The following TTC28 variants were observed in gnomAD, a reference collection of about 807,000 sequenced individuals.
TTC28 encodes tetratricopeptide repeat domain 28.
In TTC28, 61 loss-of-function variants were observed where a neutral mutation model predicts 198.0. The ratio of observed to expected loss-of-function variants is 0.31; its 90% CI spans 0.25 to 0.38. The LOEUF (loss-of-function observed/expected upper bound fraction) is 0.38, where lower values mean the gene tolerates loss of function less well. TTC28 is among the 10% of genes least tolerant of loss of function. The pLI, the probability that TTC28 is intolerant of heterozygous loss-of-function variation, is 1.00. For missense variants in TTC28, 2,678 were observed against 3,164.0 expected, an observed-to-expected ratio of 0.85 and a Z score of 3.69; for synonymous variants, 1,171 against 1,297.8, an observed-to-expected ratio of 0.90 and a Z score of 2.10.
intron 2 of TTC28, among the ~76,000 whole-genome samples, chr22:28,484,534 A>G (rs1320156770): frequency 6.6e-6 from 1 of 152,130 alleles, no homozygotes; most frequent in Admixed American, 6.5e-5. Flanking sequence ...CCCTCCCTGG[A>G]AGCCTCTGGG....
chr22:28,177,907 A>T (rs907102449), intron 5 of TTC28, among the ~76,000 whole-genome samples: 1 of 152,208 alleles, frequency 6.6e-6, no homozygotes, highest in African/African-American at 2.4e-5. Flanking sequence ...ACTATTCTGC[A>T]TGATAATACT....
intron 1 of TTC28, among the ~76,000 whole-genome samples, chr22:28,643,658 T>G (rs1211409774): frequency 6.6e-6 from 1 of 152,210 alleles, no homozygotes; most frequent in African/African-American, 2.4e-5. Flanking sequence ...TTTAGCTGAT[T>G]CTAGGTCAAT....
chr22:28,552,355 A>T (rs1339261117), intron 2 of TTC28, among the ~76,000 whole-genome samples: 1 of 152,170 alleles, frequency 6.6e-6, no homozygotes, highest in Non-Finnish European at 1.5e-5. Context: ...TATCACCATA[A>T]ATCTTCACGG....
chr22:28,643,598 T>C lies in TTC28; in HGVS notation c.103-13768A>G, dbSNP rs150854106. ...ATTAATGTAAATTATTTGGGAGAAA[T>C]TCCTCACCCACATCTTTGAAAAAAT... On this transcript the variant is annotated intron_variant, in intron 1 of 22. Coordinates refer to ENST00000397906, the MANE Select transcript of TTC28 (RefSeq NM_001145418.2). Among the ~76,000 whole-genome samples, 910 of 152,324 alleles carry C rather than the reference T, an allele frequency of 6.0e-3. 6 individuals are homozygous for C. The highest frequency in any genetic ancestry group is 9.9e-3 in the Non-Finnish European group (673 of 68,034).
intron 2 of TTC28, among the ~76,000 whole-genome samples, chr22:28,458,485 A>G (rs1222981693): frequency 6.6e-6 from 1 of 152,234 alleles, no homozygotes; most frequent in Non-Finnish European, 1.5e-5. Flanking sequence ...TAAAGTTCTT[A>G]AACAAATCAG....
At chr22:28,299,484 CAA>C (rs1462250180) in intron 3 of TTC28, among the ~76,000 whole-genome samples, 1 of 152,096 alleles carries the variant, frequency 6.6e-6, no homozygotes, top group African/African-American at 2.4e-5. Flanking sequence ...TTACACCTGT[CAA>C]GATTCAAGCC....
chr22:28,519,704 C>T (rs2048862454), intron 2 of TTC28, among the ~76,000 whole-genome samples: 1 of 152,194 alleles, frequency 6.6e-6, no homozygotes, highest in African/African-American at 2.4e-5. Context: ...TCAACCTTTT[C>T]TTATAAAATT....
At chr22:28,115,034 G>A (rs1942593452) in intron 6 of TTC28, among the ~76,000 whole-genome samples, 1 of 152,096 alleles carries the variant, frequency 6.6e-6, no homozygotes, top group Non-Finnish European at 1.5e-5. Flanking sequence ...CCAAAACAAG[G>A]TTGATACTGT....
chr22:28,369,998 G>T (rs559841735), intron 2 of TTC28, among the ~76,000 whole-genome samples: 5 of 151,954 alleles, frequency 3.3e-5, no homozygotes, highest in Non-Finnish European at 5.9e-5. Context: ...CTGCCTTATC[G>T]CCTCCCTCTG....
chr22:28,624,881 G>T (rs745308174), intron 2 of TTC28, among the ~76,000 whole-genome samples: 2 of 151,962 alleles, frequency 1.3e-5, no homozygotes, highest in African/African-American at 2.4e-5. Flanking sequence ...TAAACAAAAA[G>T]AATAATACAT....
intron 2 of TTC28, among the ~76,000 whole-genome samples, chr22:28,452,425 G>C (rs1047500538): frequency 7.2e-6 from 1 of 138,294 alleles, no homozygotes; most frequent in Non-Finnish European, 1.6e-5. Context: ...AAAAGAGGCT[G>C]TATTTCTCTG....
chr22:28,658,932 G>C (rs2051700926), intron 1 of TTC28, among the ~76,000 whole-genome samples: 1 of 152,152 alleles, frequency 6.6e-6, no homozygotes, highest in South Asian at 2.1e-4. Context: ...GGGAGGTGGA[G>C]GTCACAGTGA....
At chr22:28,492,762 A>G (rs372835281) in intron 2 of TTC28, among the ~76,000 whole-genome samples, 187 of 152,354 alleles carry the variant, frequency 1.2e-3, no homozygotes, top group Non-Finnish European at 2.3e-3. Flanking sequence ...TTAAGAATCA[A>G]TTAGCCCTTA....
chr22:28,463,801 A>T (rs1001513687), intron 2 of TTC28, among the ~76,000 whole-genome samples: 6 of 152,088 alleles, frequency 3.9e-5, no homozygotes, highest in Non-Finnish European at 5.9e-5. Context: ...TGGGAGATAT[A>T]CCTAATGTAA....
intron 2 of TTC28, among the ~76,000 whole-genome samples, chr22:28,386,274 C>CAAAAAAAAAAAAAAAAAAAAAAAAA (rs71194764): frequency 5.7e-5 from 3 of 52,236 alleles, no homozygotes; most frequent in East Asian, 1.2e-3. Flanking sequence ...GACTCCGTCT[C>CAAAAAAAAAAAAAAAAAAAAAAAAA]AAAAAAAAAA....
At chr22:28,217,098 C>A (rs1927467079) in intron 5 of TTC28, among the ~76,000 whole-genome samples, 1 of 152,082 alleles carries the variant, frequency 6.6e-6, no homozygotes, top group Admixed American at 6.5e-5. Context: ...CAGATATAGG[C>A]AAGAGATTTG....
chr22:28,486,572 T>C (rs986771628), intron 2 of TTC28, among the ~76,000 whole-genome samples: 5 of 152,180 alleles, frequency 3.3e-5, no homozygotes, highest in African/African-American at 1.2e-4. Flanking sequence ...CCTTCCTTGG[T>C]TGAAATAACC....
chr22:28,639,009 T>C (rs998321571), intron 1 of TTC28, among the ~76,000 whole-genome samples: 1 of 152,226 alleles, frequency 6.6e-6, no homozygotes, highest in African/African-American at 2.4e-5. Flanking sequence ...TCTACAAAAA[T>C]GTAAAAGTTG....
At chr22:28,350,645 C>T (rs9625454) in intron 2 of TTC28, among the ~76,000 whole-genome samples, 2,778 of 152,206 alleles carry the variant, frequency 0.018, 51 homozygotes, top group Non-Finnish European at 0.025. Context: ...CCACGGCATG[C>T]ACGCACACGC....
Sources: gnomAD v4.1 joint callset for allele counts (sites outside exome capture counted in the v4.1 genomes callset) on GRCh38, gnomAD v4.1.1 for gene constraint, MANE v1.5 for transcripts, NCBI Gene and HGNC (gene_info 2026-07-23, HGNC 2026-07-21) for gene names.